Variants in FGFR2 observed in about 807,000 individuals in gnomAD.
FGFR2 encodes the protein fibroblast growth factor receptor 2.
A neutral mutation model predicts 95.9 loss-of-function variants in FGFR2; 19 were observed. That is an observed-to-expected ratio of 0.20 (90% CI 0.14 to 0.29). FGFR2 has a LOEUF of 0.29. Among genes scored for constraint, FGFR2 ranks in the 10% least tolerant of loss-of-function variants. The pLI is 1.00. For synonymous variants in FGFR2, 392 were observed against 393.3 expected (o/e 1.00, Z 0.04); for missense variants, 707 against 1,056.9 (o/e 0.67, Z 4.59).
intron 10 of FGFR2, among the ~76,000 whole-genome samples, chr10:121,502,958 A>G (rs547360264): frequency 1.2e-4 from 19 of 152,312 alleles, no homozygotes; most frequent in African/African-American, 4.6e-4. Flanking sequence ...TGAGGTTTGC[A>G]GTTCAGAGCT....
intron 1 of FGFR2, chr10:121,596,683 A>T (rs1231198): frequency 0.99 from 198,167 of 199,488 alleles, 98,439 homozygotes; most frequent in East Asian, 1. Flanking sequence ...AGGACCACAA[A>T]GCCCTCCCGG....
At chr10:121,569,199 T>TTTTTCTTTTC (rs141842032) in intron 2 of FGFR2, among the ~76,000 whole-genome samples, 5 of 137,852 alleles carry the variant, frequency 3.6e-5, no homozygotes, top group African/African-American at 1.4e-4. Context: ...TCTGGGTTTC[T>TTTTTCTTTTC]TTTTCTTTTC....
At position 121,562,589 on chromosome 10, in the gene FGFR2, A is replaced by G. The variant is rs370123684; in HGVS notation, c.454+1913T>C. ...GCGTGAGCAACGGTGCCCAGCCGAGATATCTTTTAGTAGGTAAACGGGTAA... is the reference window on the plus strand; with the variant it reads ...GCGTGAGCAACGGTGCCCAGCCGAGGTATCTTTTAGTAGGTAAACGGGTAA... On this transcript the variant is annotated intron_variant, in intron 4 of 17. Transcript: ENST00000358487. Among the ~76,000 whole-genome samples, 70 of 152,252 alleles carry G rather than the reference A, an allele frequency of 4.6e-4. No homozygotes were observed. The South Asian group carries it at 7.9e-3, about 17-fold the overall frequency.
rs576177845 is a variant in FGFR2, at chr10:121,480,720, A to G, written c.2302-699T>C. ...TGCACTGTTAAAGGAAACTTCAGGA[A>G]AATATCGGTTAAGTTTCAAAGTTTT... On this transcript the variant is annotated intron_variant, in intron 17 of 17. Coordinates refer to ENST00000358487, the MANE Select transcript of FGFR2 (RefSeq NM_000141.5). Among the ~76,000 whole-genome samples, 4 of 152,308 alleles carry G rather than the reference A, an allele frequency of 2.6e-5. No homozygotes were observed. In the South Asian group the frequency reaches 8.3e-4, roughly 32 times the overall value.
At chr10:121,535,851 C>A (rs1371317572) in intron 6 of FGFR2, among the ~76,000 whole-genome samples, 2 of 152,174 alleles carry the variant, frequency 1.3e-5, no homozygotes, top group Non-Finnish European at 2.9e-5. Context: ...TTAAATTACA[C>A]GGCTTTTACA....
At chr10:121,487,921 G>A (rs998976797) in intron 14 of FGFR2, 70 bp downstream of exon 14, 13 of 1,599,842 alleles carry the variant, frequency 8.1e-6, no homozygotes, top group South Asian at 5.5e-5. Flanking sequence ...CAACATTGAC[G>A]GCCTTTCTTC....
chr10:121,543,928 A>G (rs1359142687), intron 5 of FGFR2, among the ~76,000 whole-genome samples: 1 of 152,162 alleles, frequency 6.6e-6, no homozygotes, highest in African/African-American at 2.4e-5. Flanking sequence ...CAGGACATCC[A>G]CCGCCTGTTG....
chr10:121,574,455 G>C (rs1342933755), intron 2 of FGFR2, among the ~76,000 whole-genome samples: 1 of 152,082 alleles, frequency 6.6e-6, no homozygotes, highest in Non-Finnish European at 1.5e-5. Context: ...CTTGAATCCG[G>C]GAGGCGGGGG....
At chr10:121,533,146 T>A (rs1852323978) in intron 6 of FGFR2, among the ~76,000 whole-genome samples, 1 of 152,184 alleles carries the variant, frequency 6.6e-6, no homozygotes, top group African/African-American at 2.4e-5. Flanking sequence ...CTTGGCACTT[T>A]GGGAGGCCGA....
intron 6 of FGFR2, among the ~76,000 whole-genome samples, chr10:121,524,941 GC>G (rs1309737330): frequency 1.3e-5 from 2 of 152,206 alleles, no homozygotes; most frequent in African/African-American, 4.8e-5. Context: ...AGAGACTAAA[GC>G]CCAGTGCTAG....
chr10:121,532,303 C>T (rs1008458392), intron 6 of FGFR2, among the ~76,000 whole-genome samples: 4 of 152,170 alleles, frequency 2.6e-5, no homozygotes, highest in Non-Finnish European at 4.4e-5. Flanking sequence ...AATATCCTAA[C>T]GTCTCTGGAC....
intron 2 of FGFR2, among the ~76,000 whole-genome samples, chr10:121,581,785 A>AGC (rs1410365891): frequency 4.8e-5 from 7 of 147,316 alleles, no homozygotes; most frequent in Admixed American, 3.4e-4. Context: ...AAAAAAAAAA[A>AGC]AGCAGCAGCA....
chr10:121,585,605 A>G (rs2135406083), intron 2 of FGFR2, among the ~76,000 whole-genome samples: 1 of 152,352 alleles, frequency 6.6e-6, no homozygotes, highest in South Asian at 2.1e-4. Context: ...AGTAGATAGT[A>G]GAGAGATTCA....
At chr10:121,558,610 G>GT (rs1212018020) in intron 4 of FGFR2, among the ~76,000 whole-genome samples, 7,280 of 139,274 alleles carry the variant, frequency 0.052, 426 homozygotes, top group African/African-American at 0.13. Flanking sequence ...ACAGTTTTTT[G>GT]TTTTTTTTTT....
intron 6 of FGFR2, among the ~76,000 whole-genome samples, chr10:121,537,363 A>C (rs1853003768): frequency 6.6e-6 from 1 of 152,234 alleles, no homozygotes; most frequent in Admixed American, 6.5e-5. Flanking sequence ...ATTTAACTTG[A>C]CAGAAAATCA....
At chr10:121,551,123 G>A (rs983082188) in intron 5 of FGFR2, among the ~76,000 whole-genome samples, 167 bp downstream of exon 5, 3 of 152,112 alleles carry the variant, frequency 2.0e-5, no homozygotes, top group African/African-American at 7.2e-5. Context: ...GGGAGGCTGA[G>A]GCAGGAGAAT....
rs370324972 is a variant in FGFR2, at chr10:121,564,637, A to G, written c.377-58T>C. Reference sequence around the variant, plus strand: ...TTTTTTGCAAAGCAAAAAGGTTGCAATTATCTACAACTGAGACCTTCTCCA... The same window carrying G: ...TTTTTTGCAAAGCAAAAAGGTTGCAGTTATCTACAACTGAGACCTTCTCCA... On this transcript the variant is annotated intron_variant, in intron 3 of 17. Transcript: ENST00000358487. 20 of 1,500,200 alleles carry G rather than the reference A, an allele frequency of 1.3e-5. No individual in the cohort carries two copies. In the African/African-American group the frequency reaches 2.1e-4, roughly 15 times the overall value. 92.9% of individuals were successfully genotyped at this position (1,500,200 alleles called of 1,614,324 possible).
At position 121,502,837 on chromosome 10, in the gene FGFR2, C is replaced by G. The variant is rs562622894; in HGVS notation, c.1439+953G>C. Among the ~76,000 whole-genome samples the G allele has an allele frequency of 5.3e-5, 8 of 152,222 alleles. No individual in the cohort carries two copies. The South Asian group carries it at 1.0e-3, about 20-fold the overall frequency. On this transcript the variant is annotated intron_variant, in intron 10 of 17. Transcript: ENST00000358487. ...AGTGAGTGGACAGCCCTACAATGAC[C>G]ACTGCACTTCCTTTCATAAGGAGGA...
intron 5 of FGFR2, among the ~76,000 whole-genome samples, chr10:121,543,845 G>A (rs1327621561): frequency 6.6e-6 from 1 of 152,192 alleles, no homozygotes; most frequent in Non-Finnish European, 1.5e-5. Context: ...CAGAGGAGGT[G>A]GGAAGTGAAT....
Sources: allele counts gnomAD v4.1 joint callset (sites outside exome capture counted in the v4.1 genomes callset), GRCh38; gene constraint gnomAD v4.1.1; transcripts MANE v1.5; gene names NCBI Gene and HGNC (gene_info 2026-07-23, HGNC 2026-07-21).